The following POU2F3 variants were observed in gnomAD, a reference collection of about 807,000 sequenced individuals.
POU2F3 encodes the protein POU domain, class 2, transcription factor 3.
A neutral mutation model predicts 59.2 loss-of-function variants in POU2F3; 23 were observed. That is an observed-to-expected ratio of 0.39 (90% CI 0.28 to 0.55). The LOEUF (loss-of-function observed/expected upper bound fraction) is 0.55, where lower values mean the gene tolerates loss of function less well. Among genes scored for constraint, POU2F3 ranks in the 20% least tolerant of loss-of-function variants. POU2F3 has a pLI of 0.66. For missense variants in POU2F3, 473 were observed against 544.5 expected (o/e 0.87, Z 1.31); for synonymous variants, 190 against 214.6 (o/e 0.89, Z 1.00).
chr11:120,269,761 A>G (rs145902103), intron 3 of POU2F3, among the ~76,000 whole-genome samples: 1 of 152,324 alleles, frequency 6.6e-6, no homozygotes, highest in East Asian at 1.9e-4. Flanking sequence ...GGTGCTTTGC[A>G]AGGAAACCAA....
At chr11:120,268,300 T>C (rs1301241190) in intron 2 of POU2F3, among the ~76,000 whole-genome samples, 1 of 152,148 alleles carries the variant, frequency 6.6e-6, no homozygotes, top group African/African-American at 2.4e-5. Flanking sequence ...TTTAGACTTT[T>C]TCTGAACCAA....
intron 10 of POU2F3, among the ~76,000 whole-genome samples, chr11:120,311,283 C>T (rs1412972058): frequency 6.6e-6 from 1 of 152,146 alleles, no homozygotes; most frequent in Non-Finnish European, 1.5e-5. Flanking sequence ...TGAATGATCA[C>T]TCTGACTGCA....
At chr11:120,238,143 G>A (rs1259335642), upstream of POU2F3, among the ~76,000 whole-genome samples, 2 of 152,204 alleles carry the variant, frequency 1.3e-5, no homozygotes, top group Non-Finnish European at 2.9e-5. Flanking sequence ...GGGAGGCTGA[G>A]GCAGGAGAAT....
rs1331310168 is a variant in POU2F3, at chr11:120,305,124, G to A, written c.539G>A (p.Gly180Glu). The A allele has an allele frequency of 6.2e-7, 1 of 1,613,934 alleles. No individual in the cohort carries two copies. The highest frequency in any genetic ancestry group is 1.1e-5 in the South Asian group (1 of 91,058). ...LPVPKHLPSS[G>E]GADEPSDLEE... ...GTGCCCAAGCATCTACCCAGCTCTG[G>A]AGGGGCCGATGAGCCCAGTGACCTC... Residue 180 changes from glycine (G) to glutamate (E), a missense_variant, in exon 7 of 13, where the codon GGA becomes GAA. Transcript: ENST00000543440.
At chr11:120,300,764 T>TG (rs148447796) in intron 5 of POU2F3, 13,768 of 260,656 alleles carry the variant, frequency 0.053, 1,840 homozygotes, top group African/African-American at 0.3. Context: ...ACTCTGTCTC[T>TG]GAAAAAAAAA....
At chr11:120,265,665 G>A (rs904744357) in intron 2 of POU2F3, among the ~76,000 whole-genome samples, 5 of 152,098 alleles carry the variant, frequency 3.3e-5, no homozygotes, top group Non-Finnish European at 7.4e-5. Context: ...TCATGTTATG[G>A]GTCTCACTAA....
intron 3 of POU2F3, among the ~76,000 whole-genome samples, chr11:120,289,698 G>T (rs1354639611): frequency 6.6e-6 from 1 of 152,160 alleles, no homozygotes; most frequent in Non-Finnish European, 1.5e-5. Context: ...TCCTGGGATG[G>T]CTTTCTTTGC....
upstream of POU2F3, among the ~76,000 whole-genome samples, chr11:120,239,968 C>T (rs909300573): frequency 6.6e-6 from 1 of 152,224 alleles, no homozygotes; most frequent in Non-Finnish European, 1.5e-5. Context: ...TTGGAGCAGG[C>T]AGGTGTTCCG....
intron 1 of POU2F3, among the ~76,000 whole-genome samples, chr11:120,242,913 A>G (rs1938724062): frequency 6.6e-6 from 1 of 152,070 alleles, no homozygotes; most frequent in Admixed American, 6.5e-5. Context: ...CCAGCTAGGG[A>G]GGCAGATAAG....
chr11:120,315,575 A>G (rs1342491590), intron 11 of POU2F3, 148 bp downstream of exon 11: 2 of 777,210 alleles, frequency 2.6e-6, no homozygotes, highest in Non-Finnish European at 4.1e-6. Context: ...GGGTTCTGTG[A>G]TCAAATAAGT....
chr11:120,288,127 C>CAAAAAAAAAAAAAAA (rs1491240764), intron 3 of POU2F3, among the ~76,000 whole-genome samples: 1 of 7,632 alleles, frequency 1.3e-4, no homozygotes, highest in African/African-American at 3.4e-4. Context: ...AACAAAAAAA[C>CAAAAAAAAAAAAAAA]CAAAAAAAAA....
intron 2 of POU2F3, among the ~76,000 whole-genome samples, chr11:120,262,778 G>A (rs185994696): frequency 1.5e-4 from 23 of 152,236 alleles, no homozygotes; most frequent in East Asian, 3.9e-4. Context: ...ATATCTTTGC[G>A]CAATTGAACT....
intron 3 of POU2F3, among the ~76,000 whole-genome samples, chr11:120,298,024 G>A (rs1941239049): frequency 7.0e-6 from 1 of 142,592 alleles, no homozygotes; most frequent in Admixed American, 7.3e-5. Flanking sequence ...CCCTACTTTT[G>A]AAACTCACTA....
intron 2 of POU2F3, among the ~76,000 whole-genome samples, chr11:120,253,125 C>T (rs1939183599): frequency 6.6e-6 from 1 of 152,182 alleles, no homozygotes; most frequent in South Asian, 2.1e-4. Context: ...CTGTCACAGA[C>T]ATGCACCCAG....
Position 120,240,259 on chromosome 11 carries a change from G to A in POU2F3, c.-85G>A. ...CGGCGGCGGCCGGGAACTGGAGGAA[G>A]GAGACCCTGGCTTCGCAGGGGCCCC... On this transcript the variant is annotated 5_prime_UTR_variant, in exon 1 of 13. Coordinates refer to ENST00000543440, the MANE Select transcript of POU2F3 (RefSeq NM_014352.4). 1 of 1,264,724 alleles carries A rather than the reference G, an allele frequency of 7.9e-7. No individual in the cohort carries two copies. 78.3% of individuals were successfully genotyped at this position (1,264,724 alleles called of 1,614,324 possible). A position where few individuals can be genotyped will look rare whatever the true frequency, so the allele number is the denominator to read the frequency against.
At chr11:120,281,362 G>A (rs556903195) in intron 3 of POU2F3, among the ~76,000 whole-genome samples, 1 of 151,890 alleles carries the variant, frequency 6.6e-6, no homozygotes, top group South Asian at 2.1e-4. Context: ...CGGTTGACTG[G>A]CCTGCAACTC....
intron 2 of POU2F3, among the ~76,000 whole-genome samples, chr11:120,261,016 T>G (rs141008077): frequency 0.012 from 1,786 of 152,016 alleles, 42 homozygotes; most frequent in African/African-American, 0.041. Context: ...CTGTGAGCCA[T>G]GATTGCACCA....
At chr11:120,244,749 C>A (rs1442315547) in intron 1 of POU2F3, among the ~76,000 whole-genome samples, 1 of 152,212 alleles carries the variant, frequency 6.6e-6, no homozygotes, top group Admixed American at 6.5e-5. Flanking sequence ...GGGGATAGTA[C>A]TTAATGGGTG....
At chr11:120,262,823 C>T (rs772805589) in intron 2 of POU2F3, among the ~76,000 whole-genome samples, 4 of 152,056 alleles carry the variant, frequency 2.6e-5, no homozygotes, top group Admixed American at 1.3e-4. Context: ...AGTAGAAAAG[C>T]GGATTTCCAG....
Sources: allele counts gnomAD v4.1 joint callset (sites outside exome capture counted in the v4.1 genomes callset), GRCh38; gene constraint gnomAD v4.1.1; transcripts MANE v1.5; gene names NCBI Gene and HGNC (gene_info 2026-07-23, HGNC 2026-07-21).